Variants in RASGRF2 observed in about 807,000 individuals in gnomAD.
RASGRF2 encodes the protein Ras protein specific guanine nucleotide releasing factor 2, also known as ras-specific guanine nucleotide-releasing factor 2.
RASGRF2 carries 76 observed loss-of-function variants against 151.0 expected under a neutral mutation model. The ratio of observed to expected loss-of-function variants is 0.50; its 90% CI spans 0.42 to 0.61. RASGRF2 has a LOEUF of 0.61. RASGRF2 is among the 20% of genes least tolerant of loss of function. The pLI is 0.00. For synonymous variants in RASGRF2, 504 were observed against 566.5 expected (o/e 0.89, Z 1.57); for missense variants, 1,148 against 1,564.6 (o/e 0.73, Z 4.49).
At chr5:81,003,625 A>C (rs1346393049) in intron 1 of RASGRF2, among the ~76,000 whole-genome samples, 2 of 152,274 alleles carry the variant, frequency 1.3e-5, no homozygotes, top group East Asian at 3.9e-4. Flanking sequence ...GCCTCCTAAA[A>C]TGCTGAGATT....
intron 17 of RASGRF2, among the ~76,000 whole-genome samples, chr5:81,159,176 G>A (rs1754325985): frequency 6.6e-6 from 1 of 152,168 alleles, no homozygotes; most frequent in Non-Finnish European, 1.5e-5. Flanking sequence ...GCAATAAAAA[G>A]GAATGAATGA....
chr5:81,080,003 T>G, intron 5 of RASGRF2, 118 bp from the exon 6 acceptor site: 1 of 1,302,316 alleles, frequency 7.7e-7, no homozygotes, highest in East Asian at 2.8e-5. Context: ...TGGGTATAGT[T>G]TGGAGGCCCT....
In RASGRF2 at chr5:81,032,410, A is replaced by C. The variant is rs548304140; in HGVS notation, c.289-10467A>C. The stretch of plus-strand genomic sequence containing the variant: ...TAAAAATCCTCAATAAAATACTGGC[A>C]AACCAAATTCAGCAGCACATCAAAA... On this transcript the variant is annotated intron_variant, in intron 1 of 26. Transcript: ENST00000265080. Among the ~76,000 whole-genome samples the C allele has an allele frequency of 1.8e-3, 273 of 152,348 alleles. 1 individual carries two copies. Among genetic ancestry groups the C allele is most frequent in the African/African-American group, 6.2e-3 (257 of 41,580 alleles).
intron 1 of RASGRF2, among the ~76,000 whole-genome samples, chr5:80,968,447 C>T (rs1260911477): frequency 6.6e-6 from 1 of 151,960 alleles, no homozygotes. Context: ...TTTGGCATAG[C>T]ACTTTTTTGG....
At chr5:81,026,542 T>A (rs1272866225) in intron 1 of RASGRF2, among the ~76,000 whole-genome samples, 2 of 152,066 alleles carry the variant, frequency 1.3e-5, no homozygotes, top group Non-Finnish European at 2.9e-5. Flanking sequence ...CCAATGCACG[T>A]ACAAACAGAA....
chr5:81,123,535 A>G (rs1219658991), intron 15 of RASGRF2, 107 bp from the exon 16 acceptor site: 2 of 1,332,170 alleles, frequency 1.5e-6, no homozygotes, highest in East Asian at 2.4e-5. Flanking sequence ...AAGCCCTTTA[A>G]TGAAATGCTT....
chr5:81,161,183 C>T (rs1754375652), intron 17 of RASGRF2, among the ~76,000 whole-genome samples: 1 of 152,198 alleles, frequency 6.6e-6, no homozygotes, highest in Admixed American at 6.5e-5. Context: ...CGGGTCTGAG[C>T]CTCAGATGGG....
intron 1 of RASGRF2, among the ~76,000 whole-genome samples, chr5:81,012,689 A>G (rs1368158021): frequency 1.3e-5 from 2 of 152,056 alleles, no homozygotes; most frequent in East Asian, 1.9e-4. Context: ...CGCAGTTTTT[A>G]CTATTCACCT....
intron 1 of RASGRF2, among the ~76,000 whole-genome samples, chr5:80,974,105 G>A (rs1186429688): frequency 6.6e-6 from 1 of 152,202 alleles, no homozygotes; most frequent in Non-Finnish European, 1.5e-5. Flanking sequence ...GGTAGCCTCT[G>A]CATCAGAAAC....
At chr5:81,119,778 A>T (rs1226097799) in intron 15 of RASGRF2, among the ~76,000 whole-genome samples, 1 of 152,226 alleles carries the variant, frequency 6.6e-6, no homozygotes, top group Non-Finnish European at 1.5e-5. Flanking sequence ...TCTTTCTCAT[A>T]TTAGAGAATT....
Position 81,201,383 on chromosome 5 carries a change from AGTT to A in RASGRF2, c.2848_2850del (p.Val950del). The A allele has an allele frequency of 6.2e-7, 1 of 1,613,988 alleles. No homozygotes were observed. The highest frequency in any genetic ancestry group is 2.2e-5 in the East Asian group (1 of 44,884). ...TGAATGTCCTAAATTTGCTAGAAGAAGTTTTGCGAGACCCAGACCTTCTTCCCC... is the reference window on the plus strand; with the variant it reads ...TGAATGTCCTAAATTTGCTAGAAGAATTGCGAGACCCAGACCTTCTTCCCC... On this transcript the variant is annotated inframe_deletion, in exon 19 of 27. Transcript: ENST00000265080.
chr5:81,112,381 A>G (rs1195640000), intron 13 of RASGRF2, among the ~76,000 whole-genome samples: 2 of 152,202 alleles, frequency 1.3e-5, no homozygotes, highest in Non-Finnish European at 2.9e-5. Context: ...TGGAAATACT[A>G]TACCATTTCA....
At chr5:81,168,227 C>G (rs1323337152) in intron 17 of RASGRF2, among the ~76,000 whole-genome samples, 1 of 151,802 alleles carries the variant, frequency 6.6e-6, no homozygotes, top group Non-Finnish European at 1.5e-5. Context: ...TGTTCTCCTG[C>G]AGTTACCCTT....
intron 1 of RASGRF2, among the ~76,000 whole-genome samples, chr5:81,018,848 G>A (rs1749729002): frequency 6.7e-6 from 1 of 149,814 alleles, no homozygotes; most frequent in African/African-American, 2.5e-5. Context: ...TGTCACCCAG[G>A]CTGGAGCACA....
chr5:81,225,576 A>G (rs1194260478), intron 26 of RASGRF2, 102 bp from the exon 27 acceptor site: 1 of 1,367,062 alleles, frequency 7.3e-7, no homozygotes, highest in African/African-American at 1.5e-5. Context: ...TAAGATTTTT[A>G]GTTGTTTAAG....
At chr5:81,047,024 C>G (rs1403000905) in intron 2 of RASGRF2, among the ~76,000 whole-genome samples, 1 of 152,116 alleles carries the variant, frequency 6.6e-6, no homozygotes, top group Non-Finnish European at 1.5e-5. Context: ...GACTTTGTGA[C>G]TATCTGGATT....
At chr5:81,061,154 G>C (rs150451293) in intron 2 of RASGRF2, among the ~76,000 whole-genome samples, 20 of 151,888 alleles carry the variant, frequency 1.3e-4, no homozygotes, top group African/African-American at 4.8e-4. Context: ...CCATTATGAA[G>C]ATATATTATT....
rs539697803 is a variant in RASGRF2, at chr5:81,003,370, C to G, written c.289-39507C>G. The stretch of plus-strand genomic sequence containing the variant: ...CCTGAGTAGCTGGGACTACAGGTGC[C>G]CACCACCACGCCCACCTAATTTTTT... On this transcript the variant is annotated intron_variant, in intron 1 of 26. Coordinates refer to ENST00000265080, the MANE Select transcript of RASGRF2 (RefSeq NM_006909.3). 3.3e-5 allele frequency among the ~76,000 whole-genome samples: 5 copies of G among 152,172 alleles called. No individual in the cohort carries two copies. The East Asian group carries it at 7.7e-4, about 24-fold the overall frequency.
chr5:81,084,581 A>G (rs192805147), intron 7 of RASGRF2, among the ~76,000 whole-genome samples: 14 of 152,266 alleles, frequency 9.2e-5, no homozygotes, highest in Admixed American at 2.6e-4. Flanking sequence ...CTGAAGTTCA[A>G]TGTCTGTGCT....
Sources: gnomAD v4.1 joint callset for allele counts (sites outside exome capture counted in the v4.1 genomes callset) on GRCh38, gnomAD v4.1.1 for gene constraint, MANE v1.5 for transcripts, NCBI Gene and HGNC (gene_info 2026-07-23, HGNC 2026-07-21) for gene names.